The following PWWP3B variants were observed in gnomAD, a reference collection of about 807,000 sequenced individuals.
PWWP3B encodes PWWP domain containing 3B, also known as PWWP domain-containing DNA repair factor 3B.
PWWP3B carries 5 observed loss-of-function variants against 15.7 expected under a neutral mutation model. The observed-to-expected ratio is 0.32, with a 90% CI of 0.17 to 0.67. PWWP3B has a LOEUF of 0.67. PWWP3B is among the 30% of genes least tolerant of loss of function. The probability of loss-of-function intolerance (pLI) is 0.74; values close to 1 mark genes in which losing one functional copy is unlikely to be tolerated. For synonymous variants in PWWP3B, 203 were observed against 179.8 expected (o/e 1.13, Z -1.03); for missense variants, 519 against 493.1 (o/e 1.05, Z -0.50).
rs755685911 is a variant in PWWP3B at position 106,205,894 on chromosome X, G to C, written c.462G>C (p.Leu154Phe). The change falls in exon 4 of 4, where the codon TTG (leucine) becomes TTC (phenylalanine). Residue 154 changes from leucine to phenylalanine, a missense_variant. Transcript: ENST00000357175. Reference protein sequence around the residue: ...CLEERENSACLLASSESDDSL... With the variant: ...CLEERENSACFLASSESDDSL... ...AGGAAAGGGAAAACTCAGCATGCTT[G>C]TTAGCATCTTCAGAGAGTGATGATT... The C allele has an allele frequency of 1.7e-6, 2 of 1,209,762 alleles. No homozygotes were observed. The highest frequency in any genetic ancestry group is 3.5e-5 in the African/African-American group (2 of 57,275).
chrX:106,206,792 C>G lies in PWWP3B; in HGVS notation c.1360C>G (p.Leu454Val). Residue 454 changes from leucine (L) to valine (V), a missense_variant, in exon 4 of 4, where the codon CTA becomes GTA. Leu to Val is a conservative substitution (Grantham distance 32). Transcript: ENST00000357175. ...KKFDCKEKQM[L>V]VDKAREDYSE... ...ATTTGATTGTAAAGAGAAACAAATG[C>G]TAGTGGACAAAGCCAGGGAGGATTA... The G allele has an allele frequency of 8.3e-7, 1 of 1,211,022 alleles. No individual in the cohort carries two copies. The highest frequency in any genetic ancestry group is 1.1e-6 in the Non-Finnish European group (1 of 894,979).
intron 2 of PWWP3B, among the ~76,000 whole-genome samples, chrX:106,194,223 G>T (rs1430659415): frequency 9.0e-6 from 1 of 111,184 alleles, no homozygotes; most frequent in Non-Finnish European, 1.9e-5. Flanking sequence ...CATATTTCTT[G>T]CAGTCTTTGT....
At chrX:106,173,290 C>T (rs1472933004) in intron 2 of PWWP3B, among the ~76,000 whole-genome samples, 1 of 111,562 alleles carries the variant, frequency 9.0e-6, no homozygotes, top group Non-Finnish European at 1.9e-5. Flanking sequence ...ACAATGTCCC[C>T]GATACTGCCA....
At chrX:106,179,863 G>T (rs140672985) in intron 2 of PWWP3B, among the ~76,000 whole-genome samples, 2,942 of 112,039 alleles carry the variant, frequency 0.026, 105 homozygotes, top group African/African-American at 0.091. Context: ...TGTTGGGAAA[G>T]AATTATATAT....
At chrX:106,174,158 A>G (rs1269028313) in intron 2 of PWWP3B, among the ~76,000 whole-genome samples, 1 of 111,625 alleles carries the variant, frequency 9.0e-6, no homozygotes, top group Non-Finnish European at 1.9e-5. Context: ...AGAGTCCCCA[A>G]CGCAGACAGT....
In PWWP3B at chrX:106,205,470, A is replaced by G; in HGVS notation, c.38A>G (p.Gln13Arg). 8.4e-7 allele frequency: 1 copy of G among 1,186,469 alleles called. No homozygotes were observed. Among genetic ancestry groups the G allele is most frequent in the Non-Finnish European group, 1.1e-6 (1 of 883,600 alleles). Residue 13 changes from glutamine (Q) to arginine (R), a missense_variant, in exon 4 of 4, where the codon CAG (glutamine) becomes CGG (arginine). Coordinates refer to ENST00000357175, the MANE Select transcript of PWWP3B (RefSeq NM_001171020.2). ...SEYVLCNWKD[Q>R]LWPAKVLSRS... ...TATGTCCTATGCAACTGGAAAGACCAGTTGTGGCCAGCAAAAGTTTTGTCC... is the reference window on the plus strand; with the variant it reads ...TATGTCCTATGCAACTGGAAAGACCGGTTGTGGCCAGCAAAAGTTTTGTCC...
chrX:106,195,542 G>A (rs1421198809), intron 2 of PWWP3B, among the ~76,000 whole-genome samples: 1 of 111,457 alleles, frequency 9.0e-6, no homozygotes, highest in Non-Finnish European at 1.9e-5. Context: ...ATATTTTGGT[G>A]TGTGATGTCC....
intron 2 of PWWP3B, among the ~76,000 whole-genome samples, chrX:106,194,600 G>A (rs1296219174): frequency 3.6e-5 from 4 of 111,890 alleles, no homozygotes; most frequent in Admixed American, 9.5e-5. Context: ...GTGTTCCTTC[G>A]GAGGAGGAGA....
chrX:106,188,442 A>T (rs1252542439), intron 2 of PWWP3B, among the ~76,000 whole-genome samples: 1 of 111,956 alleles, frequency 8.9e-6, no homozygotes, highest in Non-Finnish European at 1.9e-5. Context: ...ATGTATCCGG[A>T]TTACTCTCAC....
At chrX:106,176,908 T>C (rs1364077931) in intron 2 of PWWP3B, among the ~76,000 whole-genome samples, 1 of 112,576 alleles carries the variant, frequency 8.9e-6, no homozygotes, top group Non-Finnish European at 1.9e-5. Context: ...AAATAATGTA[T>C]TAATTCATTG....
At chrX:106,192,096 G>T (rs1923015314) in intron 2 of PWWP3B, among the ~76,000 whole-genome samples, 1 of 111,712 alleles carries the variant, frequency 9.0e-6, no homozygotes, top group Non-Finnish European at 1.9e-5. Flanking sequence ...CTATTGATTG[G>T]AATAGTTTCA....
intron 2 of PWWP3B, among the ~76,000 whole-genome samples, chrX:106,193,058 C>T (rs1923106621): frequency 9.0e-6 from 1 of 111,359 alleles, no homozygotes; most frequent in African/African-American, 3.3e-5. Context: ...TCTATTAGGT[C>T]CGCTTGGTGC....
At chrX:106,188,132 G>T in intron 2 of PWWP3B, among the ~76,000 whole-genome samples, 1 of 111,320 alleles carries the variant, frequency 9.0e-6, no homozygotes, top group Non-Finnish European at 1.9e-5. Context: ...GATGTCATCT[G>T]GTTTCTTGAC....
At chrX:106,189,939 A>G (rs1223833866) in intron 2 of PWWP3B, among the ~76,000 whole-genome samples, 1 of 112,649 alleles carries the variant, frequency 8.9e-6, no homozygotes, top group Non-Finnish European at 1.9e-5. Context: ...AATCCAGTCT[A>G]TCATTGTTGG....
At position 106,207,218 on chromosome X, in the gene PWWP3B, A is replaced by G; in HGVS notation, c.1786A>G (p.Ile596Val). Residue 596 changes from isoleucine (I) to valine (V), a missense_variant, in exon 4 of 4, where the codon ATT (isoleucine) becomes GTT (valine). Coordinates refer to ENST00000357175, the MANE Select transcript of PWWP3B (RefSeq NM_001171020.2). ...GAATGCAAATAGGTTCACACCCTGT[A>G]TTGAAACATACTTTGAGGATGAAGA... ...FLNANRFTPC[I>V]ETYFEDEDQL... The G allele has an allele frequency of 1.7e-6, 2 of 1,209,773 alleles. No homozygotes were observed. Among genetic ancestry groups the G allele is most frequent in the African/African-American group, 1.7e-5 (1 of 57,950 alleles).
chrX:106,175,099 T>C (rs1602821416), intron 2 of PWWP3B, among the ~76,000 whole-genome samples: 1 of 107,682 alleles, frequency 9.3e-6, no homozygotes, highest in African/African-American at 3.4e-5. Flanking sequence ...TTAATTTGTG[T>C]GGGAATGTAG....
chrX:106,187,802 G>T (rs760079275), intron 2 of PWWP3B, among the ~76,000 whole-genome samples: 6 of 111,430 alleles, frequency 5.4e-5, no homozygotes, highest in Non-Finnish European at 1.1e-4. Flanking sequence ...CCTCCTCATT[G>T]TCTTTGGGAG....
intron 2 of PWWP3B, among the ~76,000 whole-genome samples, chrX:106,202,727 T>C (rs1229060586): frequency 8.9e-6 from 1 of 112,100 alleles, no homozygotes; most frequent in Non-Finnish European, 1.9e-5. Context: ...GCATGGTACA[T>C]CTGTACAATG....
intron 2 of PWWP3B, among the ~76,000 whole-genome samples, chrX:106,188,560 G>T (rs1250939801): frequency 3.6e-5 from 4 of 111,964 alleles, no homozygotes; most frequent in African/African-American, 1.3e-4. Flanking sequence ...TCTTTTAGAT[G>T]TACAGTTTGA....
Sources: allele counts gnomAD v4.1 joint callset (sites outside exome capture counted in the v4.1 genomes callset), GRCh38; gene constraint gnomAD v4.1.1; transcripts MANE v1.5; gene names NCBI Gene and HGNC (gene_info 2026-07-23, HGNC 2026-07-21).